The following TMEM108 variants were observed in gnomAD, a reference collection of about 807,000 sequenced individuals.
TMEM108 encodes the protein cancer/testis antigen 124.
TMEM108 carries 12 observed loss-of-function variants against 35.1 expected under a neutral mutation model. The ratio of observed to expected loss-of-function variants is 0.34; its 90% CI spans 0.22 to 0.55. TMEM108 has a LOEUF of 0.55. Among genes scored for constraint, TMEM108 ranks in the 20% least tolerant of loss-of-function variants. The pLI is 0.89. For missense variants in TMEM108, 680 were observed against 753.3 expected (o/e 0.90, Z 1.14); for synonymous variants, 287 against 308.6 (o/e 0.93, Z 0.73).
intron 3 of TMEM108, among the ~76,000 whole-genome samples, chr3:133,256,456 A>G (rs1020917001): frequency 1.3e-5 from 2 of 152,222 alleles, no homozygotes; most frequent in African/African-American, 4.8e-5. Context: ...TGAAACATAT[A>G]ATAATGTCTA....
At chr3:133,360,007 T>TAAAAAAA (rs59374214) in intron 3 of TMEM108, among the ~76,000 whole-genome samples, 1 of 112,922 alleles carries the variant, frequency 8.9e-6, no homozygotes, top group Non-Finnish European at 1.8e-5. Context: ...ACTCAACAGT[T>TAAAAAAA]AAAAAAAAAA....
At chr3:133,308,971 G>C (rs1196486205) in intron 3 of TMEM108, among the ~76,000 whole-genome samples, 1 of 152,126 alleles carries the variant, frequency 6.6e-6, no homozygotes, top group Non-Finnish European at 1.5e-5. Flanking sequence ...GTAGAATTTG[G>C]CTCTGAATCC....
At chr3:133,221,925 A>G (rs1945998831) in intron 2 of TMEM108, among the ~76,000 whole-genome samples, 1 of 151,770 alleles carries the variant, frequency 6.6e-6, no homozygotes, top group African/African-American at 2.4e-5. Context: ...TTATATTTTA[A>G]CCTCCATACT....
At chr3:133,287,954 T>G (rs1057189766) in intron 3 of TMEM108, among the ~76,000 whole-genome samples, 9 of 152,356 alleles carry the variant, frequency 5.9e-5, no homozygotes, top group Admixed American at 5.9e-4. Flanking sequence ...CGTCATCCCT[T>G]GCTCACTGGG....
chr3:133,199,256 TTTGA>T (rs1945624770), intron 2 of TMEM108, among the ~76,000 whole-genome samples: 1 of 152,216 alleles, frequency 6.6e-6, no homozygotes, highest in African/African-American at 2.4e-5. Context: ...CTCGGAGAAG[TTTGA>T]TCATCTGAAG....
intron 2 of TMEM108, among the ~76,000 whole-genome samples, chr3:133,063,321 G>A (rs1943557089): frequency 6.6e-6 from 1 of 152,106 alleles, no homozygotes; most frequent in Non-Finnish European, 1.5e-5. Flanking sequence ...AGGGAGAGTG[G>A]GCAATATAGT....
chr3:133,229,051 G>A (rs1946114494), intron 2 of TMEM108, among the ~76,000 whole-genome samples: 2 of 152,126 alleles, frequency 1.3e-5, no homozygotes, highest in Admixed American at 1.3e-4. Flanking sequence ...TTCCTTCAGT[G>A]GGGTGTATAG....
rs112845032 is a variant in TMEM108, at chr3:133,099,107, T to C, written c.-47+53087T>C. ...CTGAGCATTTAGGCGTTTCCATTCA[T>C]CTTCTGAAATCTAGGCAGAGGTTCC... On this transcript the variant is annotated intron_variant, in intron 2 of 5. Coordinates refer to ENST00000321871, the MANE Select transcript of TMEM108 (RefSeq NM_023943.4). Among the ~76,000 whole-genome samples, 670 of 152,302 alleles carry C rather than the reference T, an allele frequency of 4.4e-3. 3 individuals carry two copies. The highest frequency in any genetic ancestry group is 0.015 in the African/African-American group (630 of 41,580).
chr3:133,295,661 T>G (rs947918860), intron 3 of TMEM108, among the ~76,000 whole-genome samples: 1 of 152,198 alleles, frequency 6.6e-6, no homozygotes, highest in African/African-American at 2.4e-5. Flanking sequence ...CCAGTCCAGA[T>G]TCTTCCTGAT....
intron 2 of TMEM108, among the ~76,000 whole-genome samples, chr3:133,167,405 C>G (rs1029084160): frequency 6.6e-6 from 1 of 152,278 alleles, no homozygotes; most frequent in African/African-American, 2.4e-5. Flanking sequence ...GCCCGCACTC[C>G]TCAGCCCTTG....
intron 3 of TMEM108, among the ~76,000 whole-genome samples, chr3:133,261,883 G>A (rs1203842342): frequency 6.6e-6 from 1 of 152,212 alleles, no homozygotes; most frequent in Non-Finnish European, 1.5e-5. Context: ...TAAAGCTGGT[G>A]TGGAAAACCA....
At chr3:133,133,158 C>T (rs1316972453) in intron 2 of TMEM108, among the ~76,000 whole-genome samples, 1 of 151,380 alleles carries the variant, frequency 6.6e-6, no homozygotes, top group Non-Finnish European at 1.5e-5. Context: ...TTAGTTGATG[C>T]AGCAGCAGCA....
chr3:133,177,301 C>A (rs1945248792), intron 2 of TMEM108, among the ~76,000 whole-genome samples: 1 of 152,130 alleles, frequency 6.6e-6, no homozygotes, highest in East Asian at 1.9e-4. Context: ...GGGAATCCTC[C>A]CTAACTCATT....
intron 2 of TMEM108, among the ~76,000 whole-genome samples, chr3:133,160,219 T>C (rs1404981536): frequency 2.6e-5 from 4 of 152,176 alleles, no homozygotes; most frequent in Non-Finnish European, 4.4e-5. Flanking sequence ...CCAGAGCTGG[T>C]TCTAGAAAGC....
intron 2 of TMEM108, among the ~76,000 whole-genome samples, chr3:133,145,334 G>C (rs1944702839): frequency 6.6e-6 from 1 of 152,084 alleles, no homozygotes; most frequent in Admixed American, 6.5e-5. Flanking sequence ...TATCTGTTTT[G>C]GGCCAGTAAC....
At chr3:133,160,706 G>T (rs554591944) in intron 2 of TMEM108, among the ~76,000 whole-genome samples, 1 of 152,306 alleles carries the variant, frequency 6.6e-6, no homozygotes, top group East Asian at 1.9e-4. Flanking sequence ...TCAAACCTCT[G>T]TTGACTTTGA....
At chr3:133,081,292 G>T (rs1330532484) in intron 2 of TMEM108, among the ~76,000 whole-genome samples, 1 of 152,148 alleles carries the variant, frequency 6.6e-6, no homozygotes, top group African/African-American at 2.4e-5. Flanking sequence ...ATATGGTGAG[G>T]GTTTTCTTCC....
intron 2 of TMEM108, among the ~76,000 whole-genome samples, chr3:133,204,786 G>C (rs1945726636): frequency 6.6e-6 from 1 of 152,124 alleles, no homozygotes. Flanking sequence ...TGTTGATTTG[G>C]GGTGGAGAGT....
chr3:133,381,103 G>C lies in TMEM108; in HGVS notation c.1392G>C (p.Leu464=). The C allele has an allele frequency of 1.2e-6, 2 of 1,613,670 alleles. No individual in the cohort carries two copies. The highest frequency in any genetic ancestry group is 1.3e-5 in the African/African-American group (1 of 75,034). Residue 464 remains leucine, a synonymous_variant, in exon 4 of 6, where the codon CTG becomes CTC. Transcript: ENST00000321871. ...CGCAGCACAGAGCCACCATCTGCCTGAGCAAGATGGATATCGCCTGGGTGA... is the reference window on the plus strand; with the variant it reads ...CGCAGCACAGAGCCACCATCTGCCTCAGCAAGATGGATATCGCCTGGGTGA... ...DKPQHRATIC[L]SKMDIAWVIL...
Sources: gnomAD v4.1 joint callset for allele counts (sites outside exome capture counted in the v4.1 genomes callset) on GRCh38, gnomAD v4.1.1 for gene constraint, MANE v1.5 for transcripts, NCBI Gene and HGNC (gene_info 2026-07-23, HGNC 2026-07-21) for gene names.